The following DISP1 variants were observed in gnomAD, a reference collection of about 807,000 sequenced individuals.
DISP1 encodes the protein dispatched RND transporter family member 1.
Under a neutral mutation model 37.3 loss-of-function variants are expected in DISP1, and 30 were observed. The observed-to-expected ratio is 0.80, with a 90% confidence interval of 0.60 to 1.09. DISP1 has a LOEUF of 1.09. DISP1 is among the 50% of genes least tolerant of loss of function. The probability of loss-of-function intolerance (pLI) is 0.00; values close to 1 mark genes in which losing one functional copy is unlikely to be tolerated. For synonymous variants in DISP1, 634 were observed against 690.2 expected (o/e 0.92, Z 1.28); for missense variants, 1,598 against 1,879.5 (o/e 0.85, Z 2.77).
intron 8 of DISP1, 102 bp from the exon 9 acceptor site, chr1:223,002,283 T>C (rs948885470): frequency 1.6e-5 from 18 of 1,115,262 alleles, no homozygotes; most frequent in Non-Finnish European, 2.3e-5. Flanking sequence ...CTTTTGTAAC[T>C]TTCCCTGTCC....
At chr1:222,858,848 T>C (rs964409633) in intron 1 of DISP1, among the ~76,000 whole-genome samples, 7 of 152,118 alleles carry the variant, frequency 4.6e-5, no homozygotes, top group African/African-American at 1.7e-4. Flanking sequence ...GCTGGCGAGG[T>C]TGCAGAGACA....
chr1:222,878,899 G>T lies in DISP1; in HGVS notation c.-158-49531G>T, dbSNP rs190905525. Among the ~76,000 whole-genome samples, 22 of 152,220 alleles carry T rather than the reference G, an allele frequency of 1.4e-4. No homozygotes were observed. The East Asian group carries it at 4.2e-3, about 29-fold the overall frequency. ...AAAAATTAATTTCAGTAAACCTGAG[G>T]TCTGCTCTCTAGCAATAACAATTTT... On this transcript the variant is annotated intron_variant, in intron 1 of 8. Transcript: ENST00000675850.
rs185652462 is a variant in DISP1, at chr1:222,934,627, G to C, written c.-18+6057G>C. On this transcript the variant is annotated intron_variant, in intron 2 of 8. Coordinates refer to ENST00000675850, the MANE Select transcript of DISP1 (RefSeq NM_001377229.1). The stretch of plus-strand genomic sequence containing the variant: ...ACAAGTTTGGTAAATAATGGATACA[G>C]GTATCCCCAGACTGCCTTTATACCT... Among the ~76,000 whole-genome samples, 328 of 152,178 alleles carry C rather than the reference G, an allele frequency of 2.2e-3. 2 individuals carry two copies. The highest frequency in any genetic ancestry group is 7.3e-3 in the African/African-American group (304 of 41,524).
At chr1:222,833,911 C>T (rs2125252789) in intron 1 of DISP1, among the ~76,000 whole-genome samples, 1 of 152,234 alleles carries the variant, frequency 6.6e-6, no homozygotes, top group South Asian at 2.1e-4. Flanking sequence ...GAGGTTGTTG[C>T]AATAAGGCTT....
intron 3 of DISP1, among the ~76,000 whole-genome samples, chr1:222,980,876 G>A (rs768927027): frequency 6.6e-6 from 1 of 152,138 alleles, no homozygotes; most frequent in Non-Finnish European, 1.5e-5. Flanking sequence ...TCAGGAGTTC[G>A]AGGCCAGCCT....
At chr1:222,872,229 A>G (rs1181764851) in intron 1 of DISP1, 2 of 152,214 alleles carry the variant, frequency 1.3e-5, no homozygotes, top group Non-Finnish European at 2.9e-5. Flanking sequence ...TTCATCAAGG[A>G]TATCGGTCTA....
At chr1:222,877,430 C>A (rs2125359495) in intron 1 of DISP1, among the ~76,000 whole-genome samples, 1 of 152,294 alleles carries the variant, frequency 6.6e-6, no homozygotes, top group East Asian at 1.9e-4. Context: ...GACTTATTCA[C>A]TATCACAAGA....
At chr1:222,991,954 C>G (rs1277096262) in intron 6 of DISP1, 59 bp from the exon 7 acceptor site, 2 of 1,338,068 alleles carry the variant, frequency 1.5e-6, no homozygotes, top group African/African-American at 2.9e-5. Context: ...TTCCAGTATG[C>G]TTATCAGCTT....
At chr1:222,830,097 C>T (rs1665370915) in intron 1 of DISP1, among the ~76,000 whole-genome samples, 1 of 152,102 alleles carries the variant, frequency 6.6e-6, no homozygotes, top group Non-Finnish European at 1.5e-5. Flanking sequence ...GTACAAACTC[C>T]AGATGATTTT....
intron 1 of DISP1, among the ~76,000 whole-genome samples, chr1:222,825,751 C>A (rs1442481884): frequency 6.6e-6 from 1 of 152,158 alleles, no homozygotes; most frequent in African/African-American, 2.4e-5. Context: ...AATCCGGCGG[C>A]CTCGGCCTCC....
chr1:222,867,687 T>C (rs1396523121), intron 1 of DISP1, among the ~76,000 whole-genome samples: 1 of 152,192 alleles, frequency 6.6e-6, no homozygotes, highest in Non-Finnish European at 1.5e-5. Context: ...GTCACATCAA[T>C]AGTTAGTGGC....
chr1:222,850,438 G>A (rs985711593), intron 1 of DISP1, among the ~76,000 whole-genome samples: 6 of 150,338 alleles, frequency 4.0e-5, no homozygotes, highest in African/African-American at 1.5e-4. Context: ...TTTTCCCACT[G>A]TATTTTAATT....
intron 3 of DISP1, chr1:222,979,689 T>A (rs1677691247): frequency 2.1e-6 from 1 of 470,714 alleles, no homozygotes; most frequent in Non-Finnish European, 4.4e-6. Context: ...GAAAGCCCAG[T>A]CTGTGTAAAG....
intron 3 of DISP1, among the ~76,000 whole-genome samples, chr1:222,975,981 AGT>A (rs1436029998): frequency 2.0e-5 from 3 of 152,066 alleles, no homozygotes; most frequent in Non-Finnish European, 2.9e-5. Context: ...AGCCTGCGGG[AGT>A]GTGTGGTGGG....
intron 1 of DISP1, among the ~76,000 whole-genome samples, chr1:222,894,687 G>A (rs1272868416): frequency 2.6e-5 from 4 of 152,176 alleles, no homozygotes; most frequent in African/African-American, 9.6e-5. Flanking sequence ...TGGGAGCATG[G>A]GGCTCCTGCT....
At chr1:222,989,544 G>A in intron 4 of DISP1, 1 of 985,404 alleles carries the variant, frequency 1.0e-6, no homozygotes, top group Non-Finnish European at 1.2e-6. Flanking sequence ...GAGGGTGTGG[G>A]AAGCGCATCT....
At chr1:222,887,004 G>C (rs1670634791) in intron 1 of DISP1, among the ~76,000 whole-genome samples, 1 of 152,140 alleles carries the variant, frequency 6.6e-6, no homozygotes, top group African/African-American at 2.4e-5. Context: ...GGGAGGGTTT[G>C]TTTATAGATA....
rs1425254005 is a variant in DISP1 at position 223,004,392 on chromosome 1, A to G, written c.2995A>G (p.Met999Val). 1.2e-6 allele frequency: 2 copies of G among 1,614,028 alleles called. No individual in the cohort carries two copies. Among genetic ancestry groups the G allele is most frequent in the African/African-American group, 2.7e-5 (2 of 74,916 alleles). Reference sequence around the variant, plus strand: ...GTCAGTTGCTGTTGCATTTAGCGTGATGCTGCTGACAACTTGGAACATCAT... The same window carrying G: ...GTCAGTTGCTGTTGCATTTAGCGTGGTGCTGCTGACAACTTGGAACATCAT... Reference protein sequence around the residue: ...GLSVAVAFSVMLLTTWNIIIS... With the variant: ...GLSVAVAFSVVLLTTWNIIIS... The change falls in exon 9 of 9, where the codon ATG becomes GTG. Residue 999 changes from methionine to valine, a missense_variant. Physicochemically the swap from Met to Val is conservative, Grantham distance 21. Transcript: ENST00000675850. This position sits in a 1 kb window ranked among gnomAD's most constrained non-coding sequence, Gnocchi z 4.9.
chr1:222,852,850 A>G (rs1345607541), intron 1 of DISP1, among the ~76,000 whole-genome samples: 1 of 152,162 alleles, frequency 6.6e-6, no homozygotes. Flanking sequence ...CATAGATAAT[A>G]CAATGCTAAA....
Sources: allele counts gnomAD v4.1 joint callset (sites outside exome capture counted in the v4.1 genomes callset), GRCh38; gene constraint gnomAD v4.1.1; non-coding constraint Gnocchi (gnomAD v3.1); transcripts MANE v1.5; gene names NCBI Gene and HGNC (gene_info 2026-07-23, HGNC 2026-07-21).